Variants in ILDR1 observed in about 807,000 individuals in gnomAD.
The protein encoded by ILDR1 is immunoglobulin like domain containing receptor 1, also known as immunoglobulin-like domain-containing receptor 1.
In ILDR1, 56 loss-of-function variants were observed where a neutral mutation model predicts 62.4. The ratio of observed to expected loss-of-function variants is 0.90; its 90% CI spans 0.72 to 1.12. The LOEUF (loss-of-function observed/expected upper bound fraction) is 1.12, where lower values mean the gene tolerates loss of function less well. Among genes scored for constraint, ILDR1 ranks in the 50% most tolerant of loss-of-function variants. The pLI, the probability that ILDR1 is intolerant of heterozygous loss-of-function variation, is 0.00. For missense variants in ILDR1, 736 were observed against 710.6 expected (o/e 1.04, Z -0.41); for synonymous variants, 284 against 277.8 (o/e 1.02, Z -0.22).
the ILDR1 span, among the ~76,000 whole-genome samples, chr3:122,032,865 A>G: frequency 1.3e-5 from 2 of 152,236 alleles, no homozygotes; most frequent in African/African-American, 4.8e-5. Context: ...TTCCAGCTGC[A>G]GTCCAGTCTT....
At chr3:122,039,248 A>C in the ILDR1 span, among the ~76,000 whole-genome samples, 10 of 152,136 alleles carry the variant, frequency 6.6e-5, no homozygotes, top group Non-Finnish European at 1.3e-4. Flanking sequence ...CAGGTCTAAG[A>C]AGCCCAGAGA....
chr3:122,007,764 G>T (rs1251316214), intron 1 of ILDR1, among the ~76,000 whole-genome samples: 1 of 152,086 alleles, frequency 6.6e-6, no homozygotes, highest in African/African-American at 2.4e-5. Flanking sequence ...TCTTCCCTGG[G>T]CTAATTATGA....
At chr3:122,009,050 C>G (rs1309482379) in intron 1 of ILDR1, among the ~76,000 whole-genome samples, 1 of 151,890 alleles carries the variant, frequency 6.6e-6, no homozygotes, top group Non-Finnish European at 1.5e-5. Flanking sequence ...CCTCCCATCT[C>G]AGCCTCCCAA....
chr3:121,988,312 C>G lies in ILDR1; in HGVS notation c.*55G>C. 6.8e-7 allele frequency: 1 copy of G among 1,476,062 alleles called. No homozygotes were observed. The allele number at this position is 1,476,062 out of a possible 1,614,324, so 91.4% of individuals were successfully genotyped here. A position where few individuals can be genotyped will look rare whatever the true frequency, so the allele number is the denominator to read the frequency against. ...AAGTCAGCTGGAAACCTAGGTGATG[C>G]TGATGACACACAGGAGCCGAGAAGT... On this transcript the variant is annotated 3_prime_UTR_variant, in exon 8 of 8. Coordinates refer to ENST00000344209, the MANE Select transcript of ILDR1 (RefSeq NM_001199799.2).
In ILDR1 at chr3:121,987,822, G is replaced by A. The variant is rs892575339; in HGVS notation, c.*545C>T. 1 of 219,520 alleles carries A rather than the reference G, an allele frequency of 4.6e-6. No individual in the cohort carries two copies. Among genetic ancestry groups the A allele is most frequent in the Non-Finnish European group, 9.1e-6 (1 of 109,606 alleles). 13.6% of individuals were successfully genotyped at this position (219,520 alleles called of 1,614,324 possible). On this transcript the variant is annotated 3_prime_UTR_variant, in exon 8 of 8. Coordinates refer to ENST00000344209, the MANE Select transcript of ILDR1 (RefSeq NM_001199799.2). Reference sequence around the variant, plus strand: ...CAGTCAGGGTCCATTACAAGTCAGAGATTATATAAATATGCAAGAGAGCAT... The same window carrying A: ...CAGTCAGGGTCCATTACAAGTCAGAAATTATATAAATATGCAAGAGAGCAT...
intron 1 of ILDR1, among the ~76,000 whole-genome samples, chr3:122,018,275 G>A (rs1287318264): frequency 3.3e-5 from 5 of 151,300 alleles, no homozygotes; most frequent in Non-Finnish European, 7.4e-5. Context: ...ATCATTCTCA[G>A]CAAACTATCA....
chr3:121,990,437 T>G (rs1490176146), intron 7 of ILDR1, among the ~76,000 whole-genome samples: 1 of 152,256 alleles, frequency 6.6e-6, no homozygotes, highest in African/African-American at 2.4e-5. Flanking sequence ...GCTTTTACAA[T>G]TTCTTGTACA....
chr3:122,054,797 C>T, the ILDR1 span, among the ~76,000 whole-genome samples: 4 of 152,072 alleles, frequency 2.6e-5, no homozygotes, highest in African/African-American at 9.7e-5. Context: ...TTTTATAATG[C>T]TGCCTTTTTT....
the ILDR1 span, among the ~76,000 whole-genome samples, chr3:122,045,718 T>A: frequency 6.6e-6 from 1 of 150,480 alleles, no homozygotes; most frequent in Admixed American, 6.6e-5. Context: ...AACGTCTGTT[T>A]TATCAGAGAC....
At chr3:122,006,054 AC>A (rs1309973065) in intron 2 of ILDR1, among the ~76,000 whole-genome samples, 1 of 152,146 alleles carries the variant, frequency 6.6e-6, no homozygotes, top group African/African-American at 2.4e-5. Flanking sequence ...TTTAAGAGTA[AC>A]CCCCAGGAAA....
the ILDR1 span, among the ~76,000 whole-genome samples, chr3:122,050,553 C>CG: frequency 6.8e-6 from 1 of 148,082 alleles, no homozygotes; most frequent in African/African-American, 2.5e-5. Context: ...CTTCCCCCCC[C>CG]CCACAGTTAT....
At chr3:122,038,807 C>T in the ILDR1 span, among the ~76,000 whole-genome samples, 2 of 151,848 alleles carry the variant, frequency 1.3e-5, no homozygotes, top group Admixed American at 1.3e-4. Flanking sequence ...AAGAGAGAAT[C>T]AATAGAAATG....
Position 121,993,227 on chromosome 3 carries a change from T to C in ILDR1, c.1522A>G (p.Lys508Glu). 1 of 1,613,984 alleles carries C rather than the reference T, an allele frequency of 6.2e-7. No individual in the cohort carries two copies. ...GSHSPHWPEE[K>E]PPSYRSLDIT... Reference sequence around the variant, plus strand: ...TCAAGTGAGCGGTAGCTAGGCGGCTTCTCCTCGGGCCAGTGTGGGGAGTGC... The same window carrying C: ...TCAAGTGAGCGGTAGCTAGGCGGCTCCTCCTCGGGCCAGTGTGGGGAGTGC... Residue 508 changes from lysine (K) to glutamate (E), a missense_variant, in exon 7 of 8, where the codon AAG (lysine) becomes GAG (glutamate). By Grantham distance (56) the Lys-to-Glu change is moderately conservative. Coordinates refer to ENST00000344209, the MANE Select transcript of ILDR1 (RefSeq NM_001199799.2).
the ILDR1 span, among the ~76,000 whole-genome samples, chr3:122,040,008 A>G: frequency 2.0e-5 from 3 of 152,026 alleles, no homozygotes; most frequent in Non-Finnish European, 4.4e-5. Context: ...AATAAGAGAT[A>G]GCCTTAATGG....
intron 7 of ILDR1, among the ~76,000 whole-genome samples, chr3:121,992,583 T>G (rs577081791): frequency 5.3e-5 from 8 of 152,364 alleles, no homozygotes; most frequent in Non-Finnish European, 7.3e-5. Context: ...CTTAATGTTT[T>G]GGCCCATATA....
intron 3 of ILDR1, among the ~76,000 whole-genome samples, chr3:122,004,624 G>A (rs66904065): frequency 1.4e-3 from 208 of 152,286 alleles, no homozygotes; most frequent in Non-Finnish European, 2.5e-3. Flanking sequence ...CACATAGCGC[G>A]CTAGATATTC....
At chr3:122,026,787 TACAAC>T (rs2071924739), upstream of ILDR1, among the ~76,000 whole-genome samples, 1 of 152,228 alleles carries the variant, frequency 6.6e-6, no homozygotes, top group Non-Finnish European at 1.5e-5. Flanking sequence ...TGTTTATTAT[TACAAC>T]TCCTATTTAA....
the ILDR1 span, among the ~76,000 whole-genome samples, chr3:122,034,973 C>G: frequency 6.6e-6 from 1 of 152,150 alleles, no homozygotes; most frequent in Non-Finnish European, 1.5e-5. Flanking sequence ...CCTCCCACAA[C>G]GTGTGGGAAT....
rs1179919392 is a variant in ILDR1 at position 121,994,293 on chromosome 3, T to C, written c.667A>G (p.Met223Val). 5.2e-6 allele frequency: 8 copies of C among 1,535,462 alleles called. No homozygotes were observed. The highest frequency in any genetic ancestry group is 1.4e-5 in the African/African-American group (1 of 73,152). ...GGACCTAGGGCCTGGGCCTGCTTCA[T>C]GTAGCGGTGGCGGGCCAGGGCTGCA... ...PEEALARHRY[M>V]KQAQALGPQM... is the part of the protein sequence containing the mutation. The change falls in exon 6 of 8, where the codon ATG becomes GTG. Residue 223 changes from methionine to valine, a missense_variant. Met to Val is a conservative substitution (Grantham distance 21). Transcript: ENST00000344209.
Sources: allele counts gnomAD v4.1 joint callset (sites outside exome capture counted in the v4.1 genomes callset), GRCh38; gene constraint gnomAD v4.1.1; transcripts MANE v1.5; gene names NCBI Gene and HGNC (gene_info 2026-07-23, HGNC 2026-07-21).